Variants in FSIP1 observed in about 807,000 individuals in gnomAD.
The protein encoded by FSIP1 is fibrous sheath interacting protein 1, also known as fibrous sheath-interacting protein 1.
Under a neutral mutation model 60.9 loss-of-function variants are expected in FSIP1, and 65 were observed. The observed-to-expected ratio is 1.07, with a 90% CI of 0.87 to 1.31. The LOEUF (loss-of-function observed/expected upper bound fraction) is 1.31, where lower values mean the gene tolerates loss of function less well. FSIP1 is among the 40% of genes most tolerant of loss of function. The pLI is 0.00. For synonymous variants in FSIP1, 209 were observed against 221.2 expected (o/e 0.94, Z 0.49); for missense variants, 675 against 665.5 (o/e 1.01, Z -0.16).
chr15:39,694,385 C>T (rs1019602453), intron 10 of FSIP1, among the ~76,000 whole-genome samples: 3 of 152,072 alleles, frequency 2.0e-5, no homozygotes, highest in African/African-American at 4.8e-5. Flanking sequence ...ATGGCTAAAA[C>T]CAGCAAGCAT....
chr15:39,664,201 T>C (rs942509612), intron 10 of FSIP1, among the ~76,000 whole-genome samples: 4 of 152,192 alleles, frequency 2.6e-5, no homozygotes, highest in African/African-American at 9.7e-5. Flanking sequence ...TAATTTATTC[T>C]ACTTAGAAAA....
chr15:39,656,220 G>A (rs563883919), intron 10 of FSIP1, among the ~76,000 whole-genome samples: 1 of 152,166 alleles, frequency 6.6e-6, no homozygotes, highest in Non-Finnish European at 1.5e-5. Context: ...AAGAAAAAAG[G>A]CTTCAATAGC....
chr15:39,700,225 A>T (rs1303153726), intron 10 of FSIP1, among the ~76,000 whole-genome samples: 1 of 152,160 alleles, frequency 6.6e-6, no homozygotes, highest in Non-Finnish European at 1.5e-5. Context: ...ACCCCCATCT[A>T]TACCAAATGA....
intron 10 of FSIP1, among the ~76,000 whole-genome samples, chr15:39,646,051 A>C (rs1182172169): frequency 6.6e-6 from 1 of 152,120 alleles, no homozygotes; most frequent in African/African-American, 2.4e-5. Flanking sequence ...ACTCCATAAA[A>C]GCTCTGTACT....
Position 39,618,092 on chromosome 15 carries a change from T to A in FSIP1, c.1342A>T (p.Ile448Phe), listed in dbSNP as rs778539429. ...GATTCATTTAGCAATTTAGAGATGA[T>A]GGACCTGGAAAGCTGGGGGAACACA... ...TPVFPQLSRS[I>F]ISKLLNESET... The change falls in exon 11 of 12, where the codon ATC becomes TTC. Residue 448 changes from isoleucine (I) to phenylalanine (F), a missense_variant. Coordinates refer to ENST00000350221, the MANE Select transcript of FSIP1 (RefSeq NM_152597.5). 3.7e-6 allele frequency: 6 copies of A among 1,614,194 alleles called. No individual in the cohort carries two copies. Among genetic ancestry groups the A allele is most frequent in the Non-Finnish European group, 5.1e-6 (6 of 1,180,020 alleles).
At chr15:39,625,706 G>A (rs777994942) in intron 10 of FSIP1, among the ~76,000 whole-genome samples, 1 of 152,142 alleles carries the variant, frequency 6.6e-6, no homozygotes, top group African/African-American at 2.4e-5. Context: ...CAGCTGGAGG[G>A]GGCCTGGCAC....
At chr15:39,729,501 G>C (rs562115414) in intron 8 of FSIP1, among the ~76,000 whole-genome samples, 181 of 152,290 alleles carry the variant, frequency 1.2e-3, no homozygotes, top group African/African-American at 4.1e-3. Flanking sequence ...TTGAGCCTGA[G>C]AGGTCGAAGC....
chr15:39,738,019 T>C (rs952084534), intron 8 of FSIP1, 72 bp downstream of exon 8: 16 of 872,726 alleles, frequency 1.8e-5, no homozygotes, highest in South Asian at 1.6e-4. Flanking sequence ...AAATTTATGA[T>C]ACTGGGCCAA....
intron 10 of FSIP1, among the ~76,000 whole-genome samples, chr15:39,663,225 G>T (rs755616790): frequency 6.6e-6 from 1 of 151,808 alleles, no homozygotes; most frequent in Non-Finnish European, 1.5e-5. Flanking sequence ...AACGAGTAGC[G>T]CACATTATTA....
chr15:39,731,425 G>A (rs952518763), intron 8 of FSIP1, among the ~76,000 whole-genome samples: 4 of 151,894 alleles, frequency 2.6e-5, no homozygotes, highest in Non-Finnish European at 4.4e-5. Context: ...AAAAAATAAA[G>A]AATCACAAAA....
chr15:39,608,598 T>C (rs578037981), intron 11 of FSIP1, among the ~76,000 whole-genome samples: 1 of 152,304 alleles, frequency 6.6e-6, no homozygotes, highest in East Asian at 1.9e-4. Flanking sequence ...AACAAAGTTT[T>C]CACAGTTCAT....
chr15:39,616,559 T>TG (rs1039505640), intron 11 of FSIP1, among the ~76,000 whole-genome samples: 6 of 152,262 alleles, frequency 3.9e-5, no homozygotes, highest in Admixed American at 6.5e-5. Context: ...GAAGAGGGCC[T>TG]GAACAACAGC....
intron 10 of FSIP1, among the ~76,000 whole-genome samples, chr15:39,680,938 C>T (rs80243877): frequency 0.032 from 4,898 of 152,194 alleles, 251 homozygotes; most frequent in African/African-American, 0.11. Flanking sequence ...AGTCATTCAG[C>T]TACTAGGGCC....
chr15:39,691,859 A>C (rs1389404277), intron 10 of FSIP1, among the ~76,000 whole-genome samples: 1 of 152,178 alleles, frequency 6.6e-6, no homozygotes. Context: ...AAGAGGCTTA[A>C]AGCCCTGTGA....
At position 39,633,091 on chromosome 15, in the gene FSIP1, C is replaced by CTTTTTTTTTT. The variant is rs869063502; in HGVS notation, c.1189-14856_1189-14847dup. Among the ~76,000 whole-genome samples, 103 of 112,884 alleles carry CTTTTTTTTTT rather than the reference C, an allele frequency of 9.1e-4. 5 individuals carry two copies. Among genetic ancestry groups the CTTTTTTTTTT allele is most frequent in the African/African-American group, 2.8e-3 (77 of 27,104 alleles). 74.1% of individuals were successfully genotyped at this position (112,884 alleles called of 152,430 possible). A position where few individuals can be genotyped will look rare whatever the true frequency, so the allele number is the denominator to read the frequency against. On this transcript the variant is annotated intron_variant, in intron 10 of 11. Coordinates refer to ENST00000350221, the MANE Select transcript of FSIP1 (RefSeq NM_152597.5). ...AATCTTCCCCACATAGGCTATACTT[C>CTTTTTTTTTT]TTTTTTTTTTTTTTTTTTTTGAGAT...
rs377310239 is a variant in FSIP1, at chr15:39,644,203, AT to A, written c.1189-25959del. On this transcript the variant is annotated intron_variant, in intron 10 of 11. Transcript: ENST00000350221. ...AAACACACCTCCCTCCTGAAATTTC[AT>A]GCTCATCACAGCTGAATGCCTGCGA... 6.9e-3 allele frequency among the ~76,000 whole-genome samples: 1,049 copies of A among 152,296 alleles called. 7 individuals are homozygous for A. The highest frequency in any genetic ancestry group is 9.4e-3 in the Non-Finnish European group (641 of 68,024).
intron 10 of FSIP1, among the ~76,000 whole-genome samples, chr15:39,662,092 C>T (rs113082604): frequency 2.1e-4 from 32 of 152,156 alleles, no homozygotes; most frequent in African/African-American, 7.5e-4. Context: ...TTAACTACCA[C>T]ATTAAAAGAC....
intron 10 of FSIP1, among the ~76,000 whole-genome samples, chr15:39,660,042 A>G (rs1409366725): frequency 6.6e-6 from 1 of 152,218 alleles, no homozygotes; most frequent in East Asian, 1.9e-4. Flanking sequence ...GAAAACAGAA[A>G]AATGGCCAAC....
rs75080995 is a variant in FSIP1, at chr15:39,639,449, T to C, written c.1189-21204A>G. Among the ~76,000 whole-genome samples the C allele has an allele frequency of 2.4e-4, 36 of 152,316 alleles. 1 individual carries two copies. The East Asian group carries it at 5.0e-3, about 21-fold the overall frequency. The stretch of plus-strand genomic sequence containing the variant: ...AACAAACAATTTTAGTTCAAGGCGA[T>C]AAAAGCAGTAACAACGAAAATGGAT... On this transcript the variant is annotated intron_variant, in intron 10 of 11. Coordinates refer to ENST00000350221, the MANE Select transcript of FSIP1 (RefSeq NM_152597.5).
Sources: gnomAD v4.1 joint callset for allele counts (sites outside exome capture counted in the v4.1 genomes callset) on GRCh38, gnomAD v4.1.1 for gene constraint, MANE v1.5 for transcripts, NCBI Gene and HGNC (gene_info 2026-07-23, HGNC 2026-07-21) for gene names.